PPP3CC: variants seen among roughly 807,000 people sequenced by gnomAD.
PPP3CC encodes protein phosphatase 3 catalytic subunit gamma.
Under a neutral mutation model 60.3 loss-of-function variants are expected in PPP3CC, and 35 were observed. The ratio of observed to expected loss-of-function variants is 0.58; its 90% CI spans 0.44 to 0.77. The LOEUF is 0.77. PPP3CC is among the 30% of genes least tolerant of loss of function. PPP3CC has a pLI of 0.00. For missense variants in PPP3CC, 570 were observed against 628.9 expected (o/e 0.91, Z 1.00); for synonymous variants, 206 against 224.3 (o/e 0.92, Z 0.73).
chr8:22,453,575 CTG>C (rs1837099572), intron 1 of PPP3CC, among the ~76,000 whole-genome samples: 1 of 152,126 alleles, frequency 6.6e-6, no homozygotes, highest in South Asian at 2.1e-4. Context: ...GTTTTGCAGC[CTG>C]TGTTTGGTTG....
At chr8:22,509,862 C>G (rs936985318) in intron 4 of PPP3CC, among the ~76,000 whole-genome samples, 6 of 151,980 alleles carry the variant, frequency 3.9e-5, no homozygotes, top group Non-Finnish European at 5.9e-5. Flanking sequence ...CCACCACAGC[C>G]AGCTAATTTT....
intron 6 of PPP3CC, among the ~76,000 whole-genome samples, chr8:22,515,120 C>T (rs943253310): frequency 2.6e-5 from 4 of 152,178 alleles, no homozygotes; most frequent in Non-Finnish European, 4.4e-5. Context: ...CATTTCCCCT[C>T]TTACTACCCT....
chr8:22,538,378 G>C (rs917955707), intron 12 of PPP3CC, among the ~76,000 whole-genome samples: 13 of 152,182 alleles, frequency 8.5e-5, no homozygotes, highest in Admixed American at 8.5e-4. Flanking sequence ...ATTAGAGAGG[G>C]TGTGACAGTG....
At chr8:22,452,355 A>T (rs1837060252) in intron 1 of PPP3CC, among the ~76,000 whole-genome samples, 1 of 152,098 alleles carries the variant, frequency 6.6e-6, no homozygotes, top group Admixed American at 6.6e-5. Flanking sequence ...CTTGTCCCTC[A>T]GCTTGACCAG....
At chr8:22,514,410 A>G (rs1390112603) in intron 6 of PPP3CC, among the ~76,000 whole-genome samples, 1 of 152,088 alleles carries the variant, frequency 6.6e-6, no homozygotes, top group East Asian at 1.9e-4. Context: ...ACACACATGC[A>G]CACACACATG....
At chr8:22,526,145 C>G (rs1052040092) in intron 8 of PPP3CC, among the ~76,000 whole-genome samples, 74 of 152,140 alleles carry the variant, frequency 4.9e-4, no homozygotes, top group Non-Finnish European at 9.3e-4. Context: ...TAGGAGTGCT[C>G]TTTCATATTC....
rs1028393542 is a variant in PPP3CC at position 22,441,591 on chromosome 8, C to T, written c.49+133C>T. 4 of 995,440 alleles carry T rather than the reference C, an allele frequency of 4.0e-6. No homozygotes were observed. The African/African-American group carries it at 5.1e-5, about 13-fold the overall frequency. The allele number at this position is 995,440 out of a possible 1,614,324, so 61.7% of individuals were successfully genotyped here. A position where few individuals can be genotyped will look rare whatever the true frequency, so the allele number is the denominator to read the frequency against. The stretch of plus-strand genomic sequence containing the variant: ...GGGCTCGGAGGGGTGTAGACAGAGC[C>T]GGGCGGCAGCCTCCGAGAGCAGCCA... On this transcript the variant is annotated intron_variant, in intron 1 of 13. Transcript: ENST00000240139.
At chr8:22,539,011 G>A (rs1245450732) in intron 12 of PPP3CC, among the ~76,000 whole-genome samples, 1 of 151,944 alleles carries the variant, frequency 6.6e-6, no homozygotes, top group African/African-American at 2.4e-5. Flanking sequence ...TAATTAATAG[G>A]GCAGTTGGAC....
intron 4 of PPP3CC, among the ~76,000 whole-genome samples, chr8:22,505,508 T>C (rs1472017512): frequency 1.3e-5 from 2 of 152,152 alleles, no homozygotes; most frequent in Non-Finnish European, 2.9e-5. Flanking sequence ...TCTAATTAGA[T>C]TGTGGTATAT....
intron 3 of PPP3CC, among the ~76,000 whole-genome samples, chr8:22,488,347 G>A (rs776111142): frequency 1.3e-5 from 2 of 152,124 alleles, no homozygotes; most frequent in South Asian, 4.1e-4. Context: ...ATTTTGCAAT[G>A]CCTGTTTCAA....
intron 1 of PPP3CC, among the ~76,000 whole-genome samples, chr8:22,461,003 G>A (rs1282340452): frequency 3.3e-5 from 5 of 151,882 alleles, no homozygotes; most frequent in African/African-American, 4.8e-5. Flanking sequence ...CTACCACCAT[G>A]CCCGGCTAAT....
At chr8:22,467,647 T>C (rs1003475281) in intron 1 of PPP3CC, among the ~76,000 whole-genome samples, 15 of 152,270 alleles carry the variant, frequency 9.9e-5, no homozygotes, top group African/African-American at 3.4e-4. Flanking sequence ...GTCAGGCTGG[T>C]TTTGAACTCG....
At position 22,496,485 on chromosome 8, in the gene PPP3CC, C is replaced by CTTTTTTT. The variant is rs71206523; in HGVS notation, c.373-1492_373-1486dup. 7.1e-4 allele frequency among the ~76,000 whole-genome samples: 31 copies of CTTTTTTT among 43,582 alleles called. 5 individuals carry two copies. The highest frequency in any genetic ancestry group is 1.3e-3 in the African/African-American group (14 of 10,890). 28.6% of individuals were successfully genotyped at this position (43,582 alleles called of 152,430 possible). ...AAGTTAAATTAGGGAGAACTGTAATCTTTTTTTTTTTTTTTTTTTTTTTTT... is the reference window on the plus strand; with the variant it reads ...AAGTTAAATTAGGGAGAACTGTAATCTTTTTTTTTTTTTTTTTTTTTTTTTTTTTTTT... On this transcript the variant is annotated intron_variant, in intron 3 of 13. Transcript: ENST00000240139.
At chr8:22,491,800 C>G (rs1217904575) in intron 3 of PPP3CC, among the ~76,000 whole-genome samples, 1 of 152,032 alleles carries the variant, frequency 6.6e-6, no homozygotes, top group Non-Finnish European at 1.5e-5. Context: ...AATACTCATT[C>G]TTTGAAATTT....
intron 1 of PPP3CC, among the ~76,000 whole-genome samples, chr8:22,471,243 C>T (rs1837711079): frequency 1.3e-5 from 2 of 151,132 alleles, no homozygotes; most frequent in Admixed American, 1.3e-4. Context: ...CTTTTATCTA[C>T]ATCCAGCTCC....
chr8:22,495,488 A>G (rs1043943371), intron 3 of PPP3CC, among the ~76,000 whole-genome samples: 3 of 152,108 alleles, frequency 2.0e-5, no homozygotes, highest in Non-Finnish European at 2.9e-5. Context: ...AAGTGGGTCA[A>G]AAGTTAAATG....
At chr8:22,486,777 T>A (rs1838237986) in intron 3 of PPP3CC, among the ~76,000 whole-genome samples, 1 of 151,310 alleles carries the variant, frequency 6.6e-6, no homozygotes, top group East Asian at 1.9e-4. Flanking sequence ...TTGCCCAGGC[T>A]GGAGTACAGT....
intron 8 of PPP3CC, chr8:22,523,579 A>G: frequency 2.3e-6 from 1 of 427,142 alleles, no homozygotes; most frequent in East Asian, 7.8e-5. Context: ...CTACACACCT[A>G]TTCCAACAAT....
At chr8:22,461,927 G>A (rs564123244) in intron 1 of PPP3CC, among the ~76,000 whole-genome samples, 1 of 152,156 alleles carries the variant, frequency 6.6e-6, no homozygotes, top group Non-Finnish European at 1.5e-5. Context: ...ACGGGTATGA[G>A]TGAGCTGATA....
Sources: allele counts gnomAD v4.1 joint callset (sites outside exome capture counted in the v4.1 genomes callset), GRCh38; gene constraint gnomAD v4.1.1; transcripts MANE v1.5; gene names NCBI Gene and HGNC (gene_info 2026-07-23, HGNC 2026-07-21).